CCSER1: variants seen among roughly 807,000 people sequenced by gnomAD.
CCSER1 encodes coiled-coil serine rich protein 1.
In CCSER1, 41 loss-of-function variants were observed where a neutral mutation model predicts 82.0. The observed-to-expected ratio is 0.50, with a 90% CI of 0.39 to 0.65. The LOEUF is 0.65. Among genes scored for constraint, CCSER1 ranks in the 30% least tolerant of loss-of-function variants. The pLI, the probability that CCSER1 is intolerant of heterozygous loss-of-function variation, is 0.00. For missense variants in CCSER1, 1,119 were observed against 1,064.2 expected (o/e 1.05, Z -0.72); for synonymous variants, 414 against 383.9 (o/e 1.08, Z -0.92).
intron 1 of CCSER1, among the ~76,000 whole-genome samples, chr4:90,171,257 A>T (rs1731620864): frequency 6.6e-6 from 1 of 151,900 alleles, no homozygotes; most frequent in Non-Finnish European, 1.5e-5. Context: ...AAAAATTTAT[A>T]CTAAGAGAAT....
chr4:90,815,876 G>T, intron 8 of CCSER1, 31 bp downstream of exon 8: 1 of 1,446,968 alleles, frequency 6.9e-7, no homozygotes. Context: ...GCCCACGAGT[G>T]TACTTTACTT....
intron 1 of CCSER1, among the ~76,000 whole-genome samples, chr4:90,247,426 A>T (rs1472065106): frequency 6.6e-6 from 1 of 152,134 alleles, no homozygotes; most frequent in Non-Finnish European, 1.5e-5. Context: ...ATAACAAGAA[A>T]ATATATTGAA....
At chr4:90,983,076 C>T (rs1387209509) in intron 9 of CCSER1, among the ~76,000 whole-genome samples, 1 of 151,788 alleles carries the variant, frequency 6.6e-6, no homozygotes, top group Non-Finnish European at 1.5e-5. Context: ...TCATTCTACC[C>T]TGCCTCCAGC....
chr4:90,300,052 G>T (rs1404732652), intron 1 of CCSER1, among the ~76,000 whole-genome samples: 2 of 151,964 alleles, frequency 1.3e-5, no homozygotes, highest in Non-Finnish European at 2.9e-5. Flanking sequence ...GGCTCTACCA[G>T]GTTATTTTCT....
At chr4:90,554,236 T>C (rs1579127730) in intron 5 of CCSER1, among the ~76,000 whole-genome samples, 1 of 152,250 alleles carries the variant, frequency 6.6e-6, no homozygotes, top group East Asian at 1.9e-4. Flanking sequence ...TGGTGGTATA[T>C]GCATGTTGTC....
chr4:91,479,989 A>T (rs201231999), intron 10 of CCSER1, among the ~76,000 whole-genome samples: 88 of 132,492 alleles, frequency 6.6e-4, no homozygotes, highest in African/African-American at 2.4e-3. Context: ...GAGAATATGC[A>T]GTGTTTGGTT....
chr4:90,717,728 A>T (rs199848486), intron 6 of CCSER1, among the ~76,000 whole-genome samples: 76 of 47,230 alleles, frequency 1.6e-3, no homozygotes, highest in Admixed American at 1.2e-3. Flanking sequence ...ATGTGTGTTT[A>T]TATATATATA....
At chr4:90,938,830 G>T in intron 9 of CCSER1, 1 of 198,064 alleles carries the variant, frequency 5.0e-6, no homozygotes, top group South Asian at 7.2e-5. Context: ...CATATTTTAA[G>T]TATGTAATAT....
Position 91,440,815 on chromosome 4 carries a change from A to T in CCSER1, c.2218-157757A>T, listed in dbSNP as rs368590022. 3.9e-5 allele frequency among the ~76,000 whole-genome samples: 6 copies of T among 152,226 alleles called. No homozygotes were observed. The East Asian group carries it at 7.7e-4, about 20-fold the overall frequency. On this transcript the variant is annotated intron_variant, in intron 10 of 10. Transcript: ENST00000509176. ...CACCACCAATCCCACAGAAATACAA[A>T]CTACCATCAGACAATACTACAAACA...
chr4:90,429,217 T>G (rs1350402893), intron 4 of CCSER1, among the ~76,000 whole-genome samples: 2 of 151,798 alleles, frequency 1.3e-5, no homozygotes, highest in Non-Finnish European at 3.0e-5. Context: ...AGTGTTCACT[T>G]TCAAAATTAG....
intron 8 of CCSER1, among the ~76,000 whole-genome samples, chr4:90,916,331 A>T (rs1236372388): frequency 6.6e-6 from 1 of 152,188 alleles, no homozygotes; most frequent in Non-Finnish European, 1.5e-5. Context: ...GACCAATGGA[A>T]CAGAACAGAG....
intron 1 of CCSER1, among the ~76,000 whole-genome samples, chr4:90,191,953 C>A (rs1393278330): frequency 1.3e-5 from 2 of 151,980 alleles, no homozygotes; most frequent in African/African-American, 2.4e-5. Context: ...TCACTTTACC[C>A]TGTACTTATT....
intron 6 of CCSER1, chr4:90,641,829 G>T (rs1579654740): frequency 5.0e-6 from 1 of 200,664 alleles, no homozygotes; most frequent in East Asian, 1.2e-4. Context: ...TAACAATAAT[G>T]CCACCTTCAT....
chr4:91,257,480 C>CACAA (rs1740785268), intron 10 of CCSER1, among the ~76,000 whole-genome samples: 1 of 150,404 alleles, frequency 6.6e-6, no homozygotes, highest in African/African-American at 2.5e-5. Context: ...CCTACACACA[C>CACAA]ACACACACAC....
intron 9 of CCSER1, among the ~76,000 whole-genome samples, chr4:90,934,760 T>C (rs1272309495): frequency 6.6e-6 from 1 of 151,974 alleles, no homozygotes; most frequent in African/African-American, 2.4e-5. Context: ...GGAGAAACCC[T>C]GTCTCTACTA....
intron 8 of CCSER1, among the ~76,000 whole-genome samples, chr4:90,858,170 A>G (rs1358568534): frequency 6.6e-6 from 1 of 152,068 alleles, no homozygotes; most frequent in African/African-American, 2.4e-5. Context: ...AACTCACTTT[A>G]TCTCTTTTTC....
intron 5 of CCSER1, among the ~76,000 whole-genome samples, chr4:90,479,359 T>G (rs2153596697): frequency 6.6e-6 from 1 of 152,262 alleles, no homozygotes; most frequent in East Asian, 1.9e-4. Context: ...TTAGTGTCAT[T>G]ATTCATTTTA....
intron 7 of CCSER1, among the ~76,000 whole-genome samples, chr4:90,786,018 A>C (rs1337952886): frequency 6.6e-6 from 1 of 152,208 alleles, no homozygotes; most frequent in African/African-American, 2.4e-5. Flanking sequence ...TCTCTAAAAC[A>C]AATTTCTGGC....
At chr4:90,837,818 T>G (rs1017315045) in intron 8 of CCSER1, among the ~76,000 whole-genome samples, 1 of 152,128 alleles carries the variant, frequency 6.6e-6, no homozygotes, top group African/African-American at 2.4e-5. Flanking sequence ...AGTTATAAAT[T>G]TTTAATTATT....
Sources: gnomAD v4.1 joint callset for allele counts (sites outside exome capture counted in the v4.1 genomes callset) on GRCh38, gnomAD v4.1.1 for gene constraint, MANE v1.5 for transcripts, NCBI Gene and HGNC (gene_info 2026-07-23, HGNC 2026-07-21) for gene names.